TUBD1: variants seen among roughly 807,000 people sequenced by gnomAD.
TUBD1 encodes tubulin delta 1, also known as tubulin delta chain.
A neutral mutation model predicts 51.2 loss-of-function variants in TUBD1; 38 were observed. The ratio of observed to expected loss-of-function variants is 0.74; its 90% CI spans 0.57 to 0.97. The LOEUF (loss-of-function observed/expected upper bound fraction) is 0.97. Among genes scored for constraint, TUBD1 ranks in the 50% least tolerant of loss-of-function variants. The pLI is 0.00. For synonymous variants in TUBD1, 169 were observed against 178.2 expected (o/e 0.95, Z 0.41); for missense variants, 489 against 538.4 (o/e 0.91, Z 0.91).
chr17:59,879,836 C>A (rs2144530350), intron 4 of TUBD1, among the ~76,000 whole-genome samples: 1 of 152,052 alleles, frequency 6.6e-6, no homozygotes, highest in African/African-American at 2.4e-5. Flanking sequence ...TCACTGGAAC[C>A]TCTGTCTCCC....
chr17:59,868,283 CAAA>C (rs11401623), intron 6 of TUBD1, among the ~76,000 whole-genome samples: 2 of 49,138 alleles, frequency 4.1e-5, no homozygotes, highest in African/African-American at 7.4e-5. Context: ...GACTCCATGT[CAAA>C]AAAAAAAAAA....
intron 4 of TUBD1, chr17:59,878,666 G>C (rs1418233943): frequency 4.4e-6 from 1 of 227,726 alleles, no homozygotes; most frequent in Non-Finnish European, 8.8e-6. Context: ...TTTTAGTAGA[G>C]ACAGGGTTTC....
At position 59,869,376 on chromosome 17, in the gene TUBD1, T is replaced by C. The variant is rs2039876164; in HGVS notation, c.935-2627A>G. Among the ~76,000 whole-genome samples, 3 of 150,674 alleles carry C rather than the reference T, an allele frequency of 2.0e-5. No individual in the cohort carries two copies. In the South Asian group the frequency reaches 6.3e-4, roughly 31 times the overall value. On this transcript the variant is annotated intron_variant, in intron 6 of 8. Coordinates refer to ENST00000325752, the MANE Select transcript of TUBD1 (RefSeq NM_016261.4). The stretch of plus-strand genomic sequence containing the variant: ...CTGTAGTCCCAGCTATTTGGGAGGC[T>C]GAGGCAAAAGAATCGCTTCAACTGG...
At chr17:59,868,781 C>G (rs1443616890) in intron 6 of TUBD1, among the ~76,000 whole-genome samples, 1 of 151,742 alleles carries the variant, frequency 6.6e-6, no homozygotes, top group Non-Finnish European at 1.5e-5. Context: ...AGGTTGCAGT[C>G]AGCCAATATT....
rs189725914 is a variant in TUBD1, at chr17:59,861,620, C to T, written c.1260-1196G>A. ...TAACGAGAGTAGGAAGGGAATGACA[C>T]CAGAAGAGGACAGACTTCATGGCCC... On this transcript the variant is annotated intron_variant, in intron 8 of 8. Transcript: ENST00000325752. Among the ~76,000 whole-genome samples, 454 of 152,112 alleles carry T rather than the reference C, an allele frequency of 3.0e-3. 1 individual carries two copies. The highest frequency in any genetic ancestry group is 0.01 in the African/African-American group (434 of 41,508).
chr17:59,888,797 C>T (rs796700912), intron 2 of TUBD1, among the ~76,000 whole-genome samples: 2 of 151,650 alleles, frequency 1.3e-5, no homozygotes, highest in African/African-American at 4.8e-5. Flanking sequence ...GCACACTCTC[C>T]GACTCCCGGG....
intron 3 of TUBD1, among the ~76,000 whole-genome samples, chr17:59,882,992 C>A (rs376531235): frequency 6.6e-6 from 1 of 151,446 alleles, no homozygotes; most frequent in African/African-American, 2.4e-5. Flanking sequence ...ACCATGTTGG[C>A]CAGGCTGGTC....
rs537451952 is a variant in TUBD1, at chr17:59,883,481, TG to T, written c.321-2372del. Among the ~76,000 whole-genome samples the T allele has an allele frequency of 3.7e-4, 57 of 152,284 alleles. 2 individuals carry two copies. In the East Asian group the frequency reaches 0.01, roughly 28 times the overall value. ...CAGGGTTTTACCATGTTGGCCAGGC[TG>T]GTCTCAAACTCCTTTCCTCAGATGA... On this transcript the variant is annotated intron_variant, in intron 3 of 8. Transcript: ENST00000325752.
At position 59,880,993 on chromosome 17, in the gene TUBD1, T is replaced by G; in HGVS notation, c.438A>C (p.Thr146=). The G allele has an allele frequency of 2.5e-6, 4 of 1,614,166 alleles. No individual in the cohort carries two copies. Among genetic ancestry groups the G allele is most frequent in the African/African-American group, 2.7e-5 (2 of 75,058 alleles). Residue 146 remains threonine, a synonymous_variant, in exon 4 of 9, where the codon ACA becomes ACC. Coordinates refer to ENST00000325752, the MANE Select transcript of TUBD1 (RefSeq NM_016261.4). ...TAACGAAAGCTCCTAATCCTGATCC[T>G]GTGCCCCCAGCCATACTCATTATGA... The part of the protein sequence containing the change: ...FFIIMSMAGG[T]GSGLGAFVTQ...
At chr17:59,884,202 A>G (rs1168500761) in intron 3 of TUBD1, among the ~76,000 whole-genome samples, 1 of 151,656 alleles carries the variant, frequency 6.6e-6, no homozygotes, top group African/African-American at 2.4e-5. Context: ...CAGAGGTTGC[A>G]GTGAGCCGAA....
chr17:59,885,137 T>C, intron 3 of TUBD1: 1 of 356,120 alleles, frequency 2.8e-6, no homozygotes, highest in Non-Finnish European at 5.5e-6. Context: ...CAGGGTCCTA[T>C]CCTAGGACGC....
chr17:59,884,469 C>A (rs910211171), intron 3 of TUBD1, among the ~76,000 whole-genome samples: 2 of 151,680 alleles, frequency 1.3e-5, no homozygotes, highest in Non-Finnish European at 2.9e-5. Context: ...CAAAAATTAG[C>A]TGGGCATGGT....
chr17:59,875,344 G>A (rs2040179609), intron 5 of TUBD1, among the ~76,000 whole-genome samples: 1 of 150,840 alleles, frequency 6.6e-6, no homozygotes, highest in Non-Finnish European at 1.5e-5. Context: ...CAAAGTACTG[G>A]GATTACAGGT....
chr17:59,864,522 A>C (rs1334872959), intron 7 of TUBD1, among the ~76,000 whole-genome samples: 1 of 151,478 alleles, frequency 6.6e-6, no homozygotes, highest in Non-Finnish European at 1.5e-5. Flanking sequence ...TTTTGTTTTG[A>C]GACAGGATCT....
Position 59,890,738 on chromosome 17 carries a change from G to C in TUBD1, c.172+93C>G, listed in dbSNP as rs894007135. 11 of 1,028,894 alleles carry C rather than the reference G, an allele frequency of 1.1e-5. No individual in the cohort carries two copies. The African/African-American group carries it at 1.8e-4, about 17-fold the overall frequency. 63.7% of individuals were successfully genotyped at this position (1,028,894 alleles called of 1,614,324 possible). A position where few individuals can be genotyped will look rare whatever the true frequency, so the allele number is the denominator to read the frequency against. On this transcript the variant is annotated intron_variant, in intron 2 of 8. Transcript: ENST00000325752. The stretch of plus-strand genomic sequence containing the variant: ...AACAAAGTAATTCCCTAGTGAGATG[G>C]GAAGGAATGGGGTTTAAAAACCATG...
intron 8 of TUBD1, among the ~76,000 whole-genome samples, chr17:59,860,850 G>A (rs2039410418): frequency 6.6e-6 from 1 of 151,878 alleles, no homozygotes; most frequent in African/African-American, 2.4e-5. Context: ...GCCTCCCAAA[G>A]TGCTGGGATT....
chr17:59,868,821 G>A (rs879806837), intron 6 of TUBD1, among the ~76,000 whole-genome samples: 1 of 150,824 alleles, frequency 6.6e-6, no homozygotes, highest in African/African-American at 2.4e-5. Flanking sequence ...TGGCGACGGA[G>A]CGAGACTCCA....
At position 59,859,840 on chromosome 17, in the gene TUBD1, C is replaced by T. The variant is rs1270154850; in HGVS notation, c.*482G>A. On this transcript the variant is annotated 3_prime_UTR_variant, in exon 9 of 9. Coordinates refer to ENST00000325752, the MANE Select transcript of TUBD1 (RefSeq NM_016261.4). ...TTCAGCAAAGTGTTTCCCCAAAGTT[C>T]TTTATAAAAGCACCATTTTTTTTTC... The T allele has an allele frequency of 2.0e-5, 3 of 151,950 alleles. No homozygotes were observed. Among genetic ancestry groups the T allele is most frequent in the Non-Finnish European group, 4.4e-5 (3 of 67,984 alleles). 9.4% of individuals were successfully genotyped at this position (151,950 alleles called of 1,614,324 possible). A position where few individuals can be genotyped will look rare whatever the true frequency, so the allele number is the denominator to read the frequency against.
At chr17:59,882,076 A>G (rs1432340684) in intron 3 of TUBD1, among the ~76,000 whole-genome samples, 1 of 133,262 alleles carries the variant, frequency 7.5e-6, no homozygotes, top group Non-Finnish European at 1.6e-5. Flanking sequence ...TGTACCCATT[A>G]GCAACTTCTT....
Sources: allele counts gnomAD v4.1 joint callset (sites outside exome capture counted in the v4.1 genomes callset), GRCh38; gene constraint gnomAD v4.1.1; transcripts MANE v1.5; gene names NCBI Gene and HGNC (gene_info 2026-07-23, HGNC 2026-07-21).